The following EVC2 variants were observed in gnomAD, a reference collection of about 807,000 sequenced individuals.
EVC2 encodes the protein EvC ciliary complex subunit 2.
EVC2 carries 148 observed loss-of-function variants against 149.3 expected under a neutral mutation model. That is an observed-to-expected ratio of 0.99 (90% CI 0.87 to 1.14). EVC2 has a LOEUF of 1.14. Among genes scored for constraint, EVC2 ranks in the 50% most tolerant of loss-of-function variants. EVC2 has a pLI of 0.00. For synonymous variants in EVC2, 776 were observed against 649.9 expected (o/e 1.19, Z -2.95); for missense variants, 1,854 against 1,627.3 (o/e 1.14, Z -2.40).
At chr4:5,639,503 C>T (rs929541023) in intron 10 of EVC2, among the ~76,000 whole-genome samples, 2 of 152,244 alleles carry the variant, frequency 1.3e-5, no homozygotes, top group Non-Finnish European at 2.9e-5. Flanking sequence ...AGCTGAGAGC[C>T]TTCTGCAGCC....
chr4:5,649,327 T>C (rs1717950067), intron 9 of EVC2, among the ~76,000 whole-genome samples: 1 of 152,210 alleles, frequency 6.6e-6, no homozygotes, highest in African/African-American at 2.4e-5. Context: ...TGGAAGTGAC[T>C]GGAGTTTAGA....
intron 16 of EVC2, among the ~76,000 whole-genome samples, chr4:5,592,753 G>A (rs1192997507): frequency 1.3e-5 from 2 of 152,190 alleles, no homozygotes; most frequent in South Asian, 2.1e-4. Flanking sequence ...AAGTGAGCAT[G>A]TGCACAACTT....
intron 1 of EVC2, among the ~76,000 whole-genome samples, chr4:5,701,896 A>G (rs1577275228): frequency 6.6e-6 from 1 of 151,912 alleles, no homozygotes; most frequent in African/African-American, 2.4e-5. Context: ...CCTTGAAAAA[A>G]CATCCACAAT....
At chr4:5,662,987 A>C in intron 9 of EVC2, 120 bp downstream of exon 9, 1 of 1,353,648 alleles carries the variant, frequency 7.4e-7, no homozygotes, top group Non-Finnish European at 1.0e-6. Flanking sequence ...TTGAATTATG[A>C]CTACAGAGTG....
chr4:5,655,463 T>G (rs1329200391), intron 9 of EVC2, among the ~76,000 whole-genome samples: 1 of 152,124 alleles, frequency 6.6e-6, no homozygotes, highest in African/African-American at 2.4e-5. Flanking sequence ...CACCCCTGTG[T>G]CCAGCCTCCT....
At chr4:5,643,018 A>G (rs1717454756) in intron 9 of EVC2, among the ~76,000 whole-genome samples, 1 of 152,228 alleles carries the variant, frequency 6.6e-6, no homozygotes, top group African/African-American at 2.4e-5. Context: ...CAACAGACAG[A>G]CAGATGTGTG....
chr4:5,606,076 G>A (rs927382961), intron 16 of EVC2, among the ~76,000 whole-genome samples: 7 of 152,136 alleles, frequency 4.6e-5, no homozygotes, highest in East Asian at 3.9e-4. Context: ...AGAGGAGGAC[G>A]GACCAATAGA....
At chr4:5,615,946 G>C (rs1230861209) in intron 15 of EVC2, among the ~76,000 whole-genome samples, 1 of 152,184 alleles carries the variant, frequency 6.6e-6, no homozygotes, top group Non-Finnish European at 1.5e-5. Context: ...GGAGAAAACA[G>C]TCTGAAAACA....
At chr4:5,632,184 A>C in intron 10 of EVC2, 152 bp from the exon 11 acceptor site, 10 of 1,048,612 alleles carry the variant, frequency 9.5e-6, no homozygotes, top group South Asian at 1.6e-5. Context: ...ATATACACAC[A>C]TGCGCATGCA....
chr4:5,655,971 G>A (rs1022785578), intron 9 of EVC2, among the ~76,000 whole-genome samples: 1 of 152,212 alleles, frequency 6.6e-6, no homozygotes, highest in African/African-American at 2.4e-5. Context: ...CATCTGCCAT[G>A]TGCAAGGAAC....
chr4:5,639,154 C>T (rs1394320899), intron 10 of EVC2, among the ~76,000 whole-genome samples: 1 of 152,080 alleles, frequency 6.6e-6, no homozygotes, highest in Non-Finnish European at 1.5e-5. Context: ...GAGTTGTTAA[C>T]AAGAGAGCTG....
intron 15 of EVC2, among the ~76,000 whole-genome samples, chr4:5,616,496 C>A (rs1238189485): frequency 6.6e-6 from 1 of 152,206 alleles, no homozygotes; most frequent in Non-Finnish European, 1.5e-5. Context: ...CAGGGGTTCC[C>A]TGGTGGTGAC....
chr4:5,615,568 T>G (rs10025164), intron 15 of EVC2, 24 bp from the exon 16 acceptor site: 2 of 1,613,776 alleles, frequency 1.2e-6, no homozygotes, highest in South Asian at 1.1e-5. Context: ...GGGGAAGACG[T>G]GGGTAAGAAG....
At chr4:5,536,642 G>C in the EVC2 span, among the ~76,000 whole-genome samples, 1 of 151,960 alleles carries the variant, frequency 6.6e-6, no homozygotes, top group Admixed American at 6.6e-5. Context: ...AAATTAGCTG[G>C]GCATGGTGGC....
intron 13 of EVC2, among the ~76,000 whole-genome samples, chr4:5,624,409 C>T (rs1303853242): frequency 6.6e-6 from 1 of 152,200 alleles, no homozygotes; most frequent in Non-Finnish European, 1.5e-5. Context: ...GTTCATGGGT[C>T]CTGGTAACCA....
chr4:5,599,092 G>A (rs1305282351), intron 16 of EVC2, among the ~76,000 whole-genome samples: 27 of 152,012 alleles, frequency 1.8e-4, no homozygotes, highest in Admixed American at 1.8e-3. Context: ...AGAGGATGTG[G>A]AGAAATAGGA....
Position 5,567,109 on chromosome 4 carries a change from C to A in EVC2, c.3557+1335G>T. Among the ~76,000 whole-genome samples the A allele has an allele frequency of 6.6e-6, 1 of 152,102 alleles. No individual in the cohort carries two copies. On this transcript the variant is annotated intron_variant, in intron 20 of 21. Transcript: ENST00000344408. The surrounding 1 kb of genome is among the most constrained non-coding windows in gnomAD (Gnocchi z 4.4). Reference sequence around the variant, plus strand: ...GGCTCCCTCTTGTTCCTCTGACCAGCCCACACCCAGCCCTCTGACCACGCC... The same window carrying A: ...GGCTCCCTCTTGTTCCTCTGACCAGACCACACCCAGCCCTCTGACCACGCC...
rs186285923 is a variant in EVC2, at chr4:5,572,261, T to C, written c.3360+2424A>G. Among the ~76,000 whole-genome samples, 258 of 152,356 alleles carry C rather than the reference T, an allele frequency of 1.7e-3. 1 individual carries two copies. Among genetic ancestry groups the C allele is most frequent in the African/African-American group, 5.9e-3 (246 of 41,584 alleles). ...GCTTCCGGTCTGGCAGTATTTATTC[T>C]GCATAGAGCCAATTCTTCAGCAGAG... On this transcript the variant is annotated intron_variant, in intron 19 of 21. Transcript: ENST00000344408.
At chr4:5,626,733 C>T (rs113620220) in intron 12 of EVC2, among the ~76,000 whole-genome samples, 14 of 152,098 alleles carry the variant, frequency 9.2e-5, no homozygotes, top group African/African-American at 3.4e-4. Flanking sequence ...CCAGCATGAG[C>T]GGGCATCATC....
Sources: allele counts gnomAD v4.1 joint callset (sites outside exome capture counted in the v4.1 genomes callset), GRCh38; gene constraint gnomAD v4.1.1; non-coding constraint Gnocchi (gnomAD v3.1); transcripts MANE v1.5; gene names NCBI Gene and HGNC (gene_info 2026-07-23, HGNC 2026-07-21).